Variants in ANGPT1 observed in about 807,000 individuals in gnomAD.
ANGPT1 encodes the protein angiopoietin 1.
A neutral mutation model predicts 62.2 loss-of-function variants in ANGPT1; 17 were observed. That is an observed-to-expected ratio of 0.27 (90% confidence interval 0.19 to 0.41). ANGPT1 has a LOEUF of 0.41. ANGPT1 is among the 10% of genes least tolerant of loss of function. ANGPT1 has a pLI of 1.00. For synonymous variants in ANGPT1, 199 were observed against 198.9 expected, an observed-to-expected ratio of 1.00 and a Z score of 0.00; for missense variants, 478 against 594.9, an observed-to-expected ratio of 0.80 and a Z score of 2.04.
At chr8:107,439,573 GACCT>G (rs1811419463) in intron 1 of ANGPT1, among the ~76,000 whole-genome samples, 1 of 152,152 alleles carries the variant, frequency 6.6e-6, no homozygotes, top group Non-Finnish European at 1.5e-5. Context: ...AGGAAAAAAA[GACCT>G]GCTTCCAATG....
At chr8:107,381,342 T>C (rs1816632753) in intron 1 of ANGPT1, among the ~76,000 whole-genome samples, 1 of 152,176 alleles carries the variant, frequency 6.6e-6, no homozygotes, top group Non-Finnish European at 1.5e-5. Context: ...TGCCCAGAGA[T>C]TAACCCTATT....
intron 1 of ANGPT1, among the ~76,000 whole-genome samples, chr8:107,366,813 C>A (rs1322590392): frequency 2.0e-5 from 3 of 152,156 alleles, no homozygotes; most frequent in African/African-American, 7.2e-5. Context: ...AGAATAGATG[C>A]TATGCCACTT....
intron 1 of ANGPT1, among the ~76,000 whole-genome samples, chr8:107,377,594 G>A (rs1398384565): frequency 3.3e-5 from 5 of 152,304 alleles, no homozygotes; most frequent in South Asian, 4.1e-4. Context: ...GAAGAAGAGA[G>A]GAAGATACAA....
At chr8:107,418,327 T>C (rs1164620016) in intron 1 of ANGPT1, among the ~76,000 whole-genome samples, 1 of 152,182 alleles carries the variant, frequency 6.6e-6, no homozygotes, top group Non-Finnish European at 1.5e-5. Context: ...CCAAAAGCAT[T>C]ACAGCTGCCT....
chr8:107,404,494 CT>C (rs1250038023), intron 1 of ANGPT1, among the ~76,000 whole-genome samples: 6 of 151,860 alleles, frequency 4.0e-5, no homozygotes, highest in Admixed American at 3.9e-4. Flanking sequence ...GTGCCATGTC[CT>C]TTTTTAAAGA....
chr8:107,345,022 C>A (rs569809669), intron 2 of ANGPT1, among the ~76,000 whole-genome samples: 7 of 152,212 alleles, frequency 4.6e-5, no homozygotes, highest in Admixed American at 1.3e-4. Flanking sequence ...AGCATCACAG[C>A]TACAAATAGC....
intron 7 of ANGPT1, among the ~76,000 whole-genome samples, chr8:107,278,713 A>T (rs1412118737): frequency 2.0e-5 from 3 of 152,356 alleles, no homozygotes; most frequent in Non-Finnish European, 4.4e-5. Context: ...TTCTTCACTT[A>T]GCACCCAGCT....
At chr8:107,353,473 A>G (rs1309721422) in intron 1 of ANGPT1, among the ~76,000 whole-genome samples, 1 of 152,022 alleles carries the variant, frequency 6.6e-6, no homozygotes, top group Non-Finnish European at 1.5e-5. Context: ...CTGATTCCTG[A>G]TTTGGATCTC....
chr8:107,343,302 A>C (rs1395010463), intron 2 of ANGPT1, among the ~76,000 whole-genome samples: 2 of 152,174 alleles, frequency 1.3e-5, no homozygotes, highest in African/African-American at 2.4e-5. Context: ...GAGAGGCTTC[A>C]GACCGGGATG....
intron 2 of ANGPT1, among the ~76,000 whole-genome samples, chr8:107,345,655 A>T (rs1022098530): frequency 2.6e-5 from 4 of 152,188 alleles, no homozygotes; most frequent in Admixed American, 2.0e-4. Flanking sequence ...TTCTAATAAA[A>T]TAAAATAAAT....
intron 1 of ANGPT1, among the ~76,000 whole-genome samples, chr8:107,453,319 C>T (rs912234457): frequency 1.3e-5 from 2 of 151,998 alleles, no homozygotes; most frequent in African/African-American, 4.8e-5. Flanking sequence ...TTTCATGCTG[C>T]TGATAGAGAC....
At chr8:107,279,745 GTA>G (rs1491109287) in intron 7 of ANGPT1, among the ~76,000 whole-genome samples, 2 of 111,964 alleles carry the variant, frequency 1.8e-5, no homozygotes, top group African/African-American at 6.0e-5. Flanking sequence ...ACACACACGT[GTA>G]CACACACACA....
At chr8:107,263,331 G>A (rs1813537697) in intron 8 of ANGPT1, among the ~76,000 whole-genome samples, 2 of 117,874 alleles carry the variant, frequency 1.7e-5, no homozygotes, top group South Asian at 6.0e-4. Context: ...TCCAGCCTAG[G>A]CAAGAAGAGC....
At chr8:107,257,610 T>G (rs1316656308) in intron 8 of ANGPT1, among the ~76,000 whole-genome samples, 1 of 152,198 alleles carries the variant, frequency 6.6e-6, no homozygotes. Context: ...ATCAGCAGTA[T>G]GCAAAACAGC....
intron 1 of ANGPT1, among the ~76,000 whole-genome samples, chr8:107,394,640 A>T (rs1816900024): frequency 6.6e-6 from 1 of 152,204 alleles, no homozygotes; most frequent in Admixed American, 6.5e-5. Context: ...GATAGGAGCC[A>T]TCTTGGATTA....
rs1210025487 is a variant in ANGPT1 at position 107,497,743 on chromosome 8, A to AT, written c.-186dup. On this transcript the variant is annotated 5_prime_UTR_variant, in exon 1 of 9. Coordinates refer to ENST00000517746, the MANE Select transcript of ANGPT1 (RefSeq NM_001146.5). ...GTTAGCTTTGTTCTAAAATTTTAAA[A>AT]TTTTTTATTTCACTGCAATGATGTT... 1.5e-5 allele frequency: 10 copies of AT among 649,320 alleles called. No individual in the cohort carries two copies. The African/African-American group carries it at 1.6e-4, about 11-fold the overall frequency. The allele number at this position is 649,320 out of a possible 1,614,324, so 40.2% of individuals were successfully genotyped here. A position where few individuals can be genotyped will look rare whatever the true frequency, so the allele number is the denominator to read the frequency against.
chr8:107,371,653 T>C (rs180671572), intron 1 of ANGPT1, among the ~76,000 whole-genome samples: 43 of 144,270 alleles, frequency 3.0e-4, no homozygotes, highest in African/African-American at 1.1e-3. Flanking sequence ...CTTGGCTCAC[T>C]GCAACCTCCA....
chr8:107,306,828 T>A (rs1473105912), intron 4 of ANGPT1, among the ~76,000 whole-genome samples: 2 of 151,882 alleles, frequency 1.3e-5, no homozygotes, highest in African/African-American at 4.8e-5. Flanking sequence ...GAGGATCCCT[T>A]GAGGCCAGGA....
At chr8:107,259,382 T>C (rs558741824) in intron 8 of ANGPT1, among the ~76,000 whole-genome samples, 11 of 152,262 alleles carry the variant, frequency 7.2e-5, no homozygotes, top group African/African-American at 2.6e-4. Flanking sequence ...TTGTCAACTG[T>C]CTGCTGTTAG....
Sources: allele counts gnomAD v4.1 joint callset (sites outside exome capture counted in the v4.1 genomes callset), GRCh38; gene constraint gnomAD v4.1.1; transcripts MANE v1.5; gene names NCBI Gene and HGNC (gene_info 2026-07-23, HGNC 2026-07-21).